The following TTN variants were observed in gnomAD, a reference collection of about 807,000 sequenced individuals.
TTN encodes connectin.
TTN carries 1,525 observed loss-of-function variants against 3,223.0 expected under a neutral mutation model. That is an observed-to-expected ratio of 0.47 (90% CI 0.45 to 0.49). The LOEUF (loss-of-function observed/expected upper bound fraction) is 0.49. Ranked by LOEUF, TTN falls within the 20% of genes least tolerant of loss-of-function variation. TTN has a pLI of 0.00. For synonymous variants in TTN, 14,094 were observed against 15,161.0 expected (o/e 0.93, Z 5.17); for missense variants, 40,786 against 43,424.0 (o/e 0.94, Z 5.40).
In TTN at chr2:178,739,762, C is replaced by T; in HGVS notation, c.13471G>A (p.Glu4491Lys). 6.2e-7 allele frequency: 1 copy of T among 1,613,866 alleles called. No individual in the cohort carries two copies. The highest frequency in any genetic ancestry group is 8.5e-7 in the Non-Finnish European group (1 of 1,179,824). Residue 4491 changes from glutamate to lysine, a missense_variant, in exon 48 of 363, where the codon GAG becomes AAG. Physicochemically the swap from Glu to Lys is moderately conservative, Grantham distance 56 (BLOSUM62 1). Transcript: ENST00000589042. Reference protein sequence around the residue: ...IYEEIDILTAEGPRIQQGAKT... With the variant: ...IYEEIDILTAKGPRIQQGAKT... ...GCTCCTTGCTGAATTCTAGGACCCT[C>T]AGCTGTTAGGATGTCTATTTCCTCA... is the stretch of plus-strand genomic sequence containing the variant.
chr2:178,664,986 C>T, intron 165 of TTN, 60 bp from the exon 166 acceptor site: 1 of 1,523,750 alleles, frequency 6.6e-7, no homozygotes. Context: ...AAACAGTAAC[C>T]ACAATAAGTT....
rs1033038689 is a variant in TTN at position 178,538,998 on chromosome 2, G to A, written c.98937C>T (p.Gly32979=). The change falls in exon 353 of 363, where the codon GGC becomes GGT. Residue 32979 remains glycine (G), a synonymous_variant. Coordinates refer to ENST00000589042, the MANE Select transcript of TTN (RefSeq NM_001267550.2). Reference sequence around the variant, plus strand: ...CAGAAGCAGGGCTGGTCTCACTCAGGCCAACATCATTCTGTGCGATGATGC... The same window carrying A: ...CAGAAGCAGGGCTGGTCTCACTCAGACCAACATCATTCTGTGCGATGATGC... ...QFRIIAQNDV[G]LSETSPASEP... 1 of 1,613,614 alleles carries A rather than the reference G, an allele frequency of 6.2e-7. No individual in the cohort carries two copies. The highest frequency in any genetic ancestry group is 1.7e-5 in the Admixed American group (1 of 60,008).
Position 178,770,618 on chromosome 2 carries a change from A to G in TTN, c.8174T>C (p.Val2725Ala), listed in dbSNP as rs146979556. The change falls in exon 35 of 363, where the codon GTT (valine) becomes GCT (alanine). Residue 2725 changes from valine to alanine, a missense_variant. Coordinates refer to ENST00000589042, the MANE Select transcript of TTN (RefSeq NM_001267550.2). ...AGGGTGTGTAAGCTCGACAGTGAAAACAGCATCCTGTGTTTCTGTCACTGT... is the reference window on the plus strand; with the variant it reads ...AGGGTGTGTAAGCTCGACAGTGAAAGCAGCATCCTGTGTTTCTGTCACTGT... ...NLTVTETQDAVFTVELTHPNV... is the reference protein window; with the variant it reads ...NLTVTETQDAAFTVELTHPNV... 6.2e-7 allele frequency: 1 copy of G among 1,614,064 alleles called. No homozygotes were observed. The highest frequency in any genetic ancestry group is 2.2e-5 in the East Asian group (1 of 44,872).
intron 158 of TTN, 64 bp downstream of exon 158, chr2:178,669,528 C>T: frequency 6.3e-7 from 1 of 1,595,720 alleles, no homozygotes; most frequent in East Asian, 2.2e-5. Flanking sequence ...CACACACATT[C>T]ACTTTAAACC....
intron 69 of TTN, chr2:178,726,464 A>T (rs1306075745): frequency 6.4e-6 from 1 of 155,436 alleles, no homozygotes; most frequent in Non-Finnish European, 1.4e-5. Flanking sequence ...TCCGTGATCT[A>T]AGTCTTCCAT....
chr2:178,719,061 G>A, intron 83 of TTN, 88 bp from the exon 84 acceptor site: 1 of 1,524,352 alleles, frequency 6.6e-7, no homozygotes, highest in Non-Finnish European at 8.8e-7. Flanking sequence ...AGGGAGCTAA[G>A]ACTAAACATG....
At chr2:178,780,296 A>G (rs1313660208) in intron 21 of TTN, 91 bp from the exon 22 acceptor site, 2 of 1,249,660 alleles carry the variant, frequency 1.6e-6, no homozygotes, top group Non-Finnish European at 2.3e-6. Context: ...CACTGGGGAA[A>G]GTTGATAACC....
At chr2:178,803,706 AT>A (rs551451695) in intron 2 of TTN, among the ~76,000 whole-genome samples, 1 of 151,868 alleles carries the variant, frequency 6.6e-6, no homozygotes, top group Non-Finnish European at 1.5e-5. Context: ...ATTAAGCATG[AT>A]TTTTTTTAAT....
rs535793314 is a variant in TTN, at chr2:178,727,223, G to A, written c.20142C>T (p.Tyr6714=). ...NEHELPASDK[Y]RMTFIDSVAV... is the part of the protein sequence containing the mutation. Reference sequence around the variant, plus strand: ...CCACTGAGTCAATGAAAGTCATTCTGTACTTATCACTGGCTGGAAGTTCAT... The same window carrying A: ...CCACTGAGTCAATGAAAGTCATTCTATACTTATCACTGGCTGGAAGTTCAT... The change falls in exon 69 of 363, where the codon TAC becomes TAT. Residue 6714 remains tyrosine, a synonymous_variant. Coordinates refer to ENST00000589042, the MANE Select transcript of TTN (RefSeq NM_001267550.2). 2.1e-4 allele frequency: 342 copies of A among 1,613,222 alleles called. 5 individuals are homozygous for A. In the South Asian group the frequency reaches 3.5e-3, roughly 17 times the overall value.
At position 178,563,956 on chromosome 2, in the gene TTN, G is replaced by T. The variant is rs1421975284; in HGVS notation, c.82176C>A (p.Asn27392Lys). The part of the protein sequence containing the change: ...VTAEKCYLAW[N>K]PPLQDGGANI... ...TAGCACCACCATCTTGCAAAGGTGG[G>T]TTCCATGCCAGGTAACATTTTTCCG... is the stretch of plus-strand genomic sequence containing the variant. The change falls in exon 326 of 363, where the codon AAC becomes AAA. Residue 27392 changes from asparagine to lysine, a missense_variant. Asn to Lys is a moderately conservative substitution (Grantham distance 94). Transcript: ENST00000589042. This position sits in a 1 kb window ranked among gnomAD's most constrained non-coding sequence, Gnocchi z 4.5. The T allele has an allele frequency of 6.2e-7, 1 of 1,613,570 alleles. No individual in the cohort carries two copies. Among genetic ancestry groups the T allele is most frequent in the East Asian group, 2.2e-5 (1 of 44,842 alleles).
chr2:178,556,788 A>C, intron 330 of TTN, 60 bp downstream of exon 330: 1 of 1,568,384 alleles, frequency 6.4e-7, no homozygotes. Flanking sequence ...AACCAGGAAA[A>C]GGTATGCGGA....
rs72647876 is a variant in TTN, at chr2:178,777,862, C to G, written c.4322G>C (p.Arg1441Pro). ...RMSPARMSPG[R>P]RLEETDESQL... is the part of the protein sequence containing the mutation. ...TGACTCATCTGTCTCCTCCAGCCTACGTCCAGGGGACATTCTTGCAGGGGA... is the reference window on the plus strand; with the variant it reads ...TGACTCATCTGTCTCCTCCAGCCTAGGTCCAGGGGACATTCTTGCAGGGGA... Residue 1441 changes from arginine (R) to proline (P), a missense_variant, in exon 25 of 363, where the codon CGT becomes CCT. Arg to Pro is a moderately radical substitution (Grantham distance 103). Transcript: ENST00000589042. 9.6e-3 allele frequency: 15,421 copies of G among 1,614,030 alleles called. 92 individuals carry two copies. The highest frequency in any genetic ancestry group is 0.017 in the South Asian group (1,550 of 91,086).
intron 79 of TTN, 21 bp downstream of exon 79, chr2:178,720,898 CAA>C: frequency 1.3e-6 from 2 of 1,546,240 alleles, no homozygotes; most frequent in South Asian, 2.6e-5. Flanking sequence ...AATAAAGAAA[CAA>C]AGAAGCTTAG....
At position 178,678,492 on chromosome 2, in the gene TTN, C is replaced by T; in HGVS notation, c.33832G>A (p.Glu11278Lys). 1 of 1,574,866 alleles carries T rather than the reference C, an allele frequency of 6.3e-7. No homozygotes were observed. The highest frequency in any genetic ancestry group is 8.6e-7 in the Non-Finnish European group (1 of 1,164,510). ...KVEAPPAKVP[E>K]VPKKPVPEKK... ...TCAGGCACAGGCTTCTTGGGTACCT[C>T]TGGCACTTTAACGAAATGATTTAGA... Residue 11278 changes from glutamate (E) to lysine (K), a missense_variant, in exon 144 of 363, where the codon GAG (glutamate) becomes AAG (lysine). Transcript: ENST00000589042.
intron 189 of TTN, among the ~76,000 whole-genome samples, chr2:178,655,254 C>T (rs1219945153): frequency 3.6e-5 from 5 of 139,690 alleles, no homozygotes; most frequent in African/African-American, 9.1e-5. Flanking sequence ...TAAAGACTCT[C>T]AATAAATTAG....
rs879227471 is a variant in TTN at position 178,547,989 on chromosome 2, G to C, written c.93637C>G (p.Pro31213Ala). The change falls in exon 339 of 363, where the codon CCC (proline) becomes GCC (alanine). Residue 31213 changes from proline (P) to alanine (A), a missense_variant. Pro to Ala is a conservative substitution (Grantham distance 27). Coordinates refer to ENST00000589042, the MANE Select transcript of TTN (RefSeq NM_001267550.2). Reference sequence around the variant, plus strand: ...GTAATTCCAGTGAGGTCAGCAGTGGGCTCGATTTGAGGCTCCTTAATGATG... The same window carrying C: ...GTAATTCCAGTGAGGTCAGCAGTGGCCTCGATTTGAGGCTCCTTAATGATG... ...SVIIKEPQIEPTADLTGITNQ... is the reference protein window; with the variant it reads ...SVIIKEPQIEATADLTGITNQ... 2.5e-6 allele frequency: 4 copies of C among 1,613,628 alleles called. No homozygotes were observed. Among genetic ancestry groups the C allele is most frequent in the Non-Finnish European group, 3.4e-6 (4 of 1,179,682 alleles).
intron 165 of TTN, among the ~76,000 whole-genome samples, 172 bp from the exon 166 acceptor site, chr2:178,665,098 T>C (rs775930462): frequency 4.6e-5 from 7 of 152,028 alleles, no homozygotes; most frequent in Non-Finnish European, 7.4e-5. Context: ...GAGGAGGTGC[T>C]CCCCCTCCTC....
In TTN at chr2:178,592,940, A is replaced by T; in HGVS notation, c.59179T>A (p.Trp19727Arg). 1 of 1,613,158 alleles carries T rather than the reference A, an allele frequency of 6.2e-7. No homozygotes were observed. The highest frequency in any genetic ancestry group is 8.5e-7 in the Non-Finnish European group (1 of 1,179,512). ...VEYQKVGDEE[W>R]RRANHTPESC... is the part of the protein sequence containing the mutation. ...TCAGGGGTGTGATTGGCTCTTCTCC[A>T]CTCTTCATCTCCAACTTTCTGGTAC... Residue 19727 changes from tryptophan (W) to arginine (R), a missense_variant, in exon 300 of 363, where the codon TGG becomes AGG. Transcript: ENST00000589042.
At chr2:178,664,434 C>T (rs1230255368) in intron 168 of TTN, 26 bp downstream of exon 168, 1 of 1,566,698 alleles carries the variant, frequency 6.4e-7, no homozygotes, top group African/African-American at 1.4e-5. Context: ...CACTATCCCA[C>T]CATAAAAAGA....
Sources: gnomAD v4.1 joint callset for allele counts (sites outside exome capture counted in the v4.1 genomes callset) on GRCh38, gnomAD v4.1.1 for gene constraint, Gnocchi (gnomAD v3.1) non-coding constraint, MANE v1.5 for transcripts, NCBI Gene and HGNC (gene_info 2026-07-23, HGNC 2026-07-21) for gene names.